The following TRHDE variants were observed in gnomAD, a reference collection of about 807,000 sequenced individuals.
TRHDE encodes thyrotropin-releasing hormone-degrading ectoenzyme.
A neutral mutation model predicts 125.7 loss-of-function variants in TRHDE; 72 were observed. That is an observed-to-expected ratio of 0.57 (90% CI 0.47 to 0.70). The LOEUF is 0.70. TRHDE is among the 30% of genes least tolerant of loss of function. The pLI is 0.00. For synonymous variants in TRHDE, 509 were observed against 509.1 expected (o/e 1.00, Z 0.00); for missense variants, 1,110 against 1,327.1 (o/e 0.84, Z 2.54).
chr12:72,402,204 G>A (rs1221667849), intron 3 of TRHDE, among the ~76,000 whole-genome samples: 1 of 151,970 alleles, frequency 6.6e-6, no homozygotes, highest in Non-Finnish European at 1.5e-5. Context: ...CCTGGGCCAT[G>A]TTGGAAGAAG....
intron 12 of TRHDE, among the ~76,000 whole-genome samples, chr12:72,598,981 G>T (rs1465640972): frequency 6.6e-6 from 1 of 152,020 alleles, no homozygotes; most frequent in African/African-American, 2.4e-5. Context: ...AGAAAATGCG[G>T]TATTTCCTTT....
intron 1 of TRHDE, among the ~76,000 whole-genome samples, chr12:72,099,492 G>T (rs1186804803): frequency 2.0e-5 from 3 of 152,100 alleles, no homozygotes; most frequent in Non-Finnish European, 2.9e-5. Context: ...ACTATGTATA[G>T]TTTGAATTTT....
At chr12:72,602,609 G>C (rs1211995261) in intron 12 of TRHDE, among the ~76,000 whole-genome samples, 4 of 152,076 alleles carry the variant, frequency 2.6e-5, no homozygotes, top group Non-Finnish European at 5.9e-5. Flanking sequence ...AAATATATAT[G>C]GCAATTGGCT....
At chr12:72,425,548 G>A (rs79079557) in intron 3 of TRHDE, among the ~76,000 whole-genome samples, 7 of 151,962 alleles carry the variant, frequency 4.6e-5, no homozygotes. Flanking sequence ...TCCTCACCTT[G>A]TGACAGCTGA....
At chr12:72,649,287 T>C (rs1312472103) in intron 15 of TRHDE, among the ~76,000 whole-genome samples, 2 of 141,502 alleles carry the variant, frequency 1.4e-5, no homozygotes, top group Non-Finnish European at 1.6e-5. Context: ...CACAAAAAGA[T>C]AAAAAAAAAA....
chr12:72,158,253 A>G (rs1876562002), intron 2 of TRHDE, among the ~76,000 whole-genome samples: 1 of 152,114 alleles, frequency 6.6e-6, no homozygotes, highest in African/African-American at 2.4e-5. Flanking sequence ...AGAATGGAAT[A>G]CAATGGAATA....
chr12:72,144,405 G>A (rs547353827), intron 2 of TRHDE, among the ~76,000 whole-genome samples: 3 of 152,320 alleles, frequency 2.0e-5, no homozygotes, highest in East Asian at 1.9e-4. Context: ...TGTCCTAGGG[G>A]CATAACTTGC....
chr12:72,404,013 C>T (rs769123447), intron 3 of TRHDE, among the ~76,000 whole-genome samples: 68 of 152,284 alleles, frequency 4.5e-4, no homozygotes, highest in Non-Finnish European at 6.3e-4. Context: ...ACAAGCACAT[C>T]TTTGCCTCTG....
intron 12 of TRHDE, among the ~76,000 whole-genome samples, chr12:72,576,608 A>G (rs1028988807): frequency 2.5e-4 from 38 of 152,096 alleles, no homozygotes; most frequent in Non-Finnish European, 5.9e-5. Flanking sequence ...TATAGAGGGG[A>G]CAACATAAAT....
chr12:72,178,439 C>T (rs1386160308), intron 2 of TRHDE, among the ~76,000 whole-genome samples: 1 of 152,050 alleles, frequency 6.6e-6, no homozygotes, highest in African/African-American at 2.4e-5. Context: ...TTTTAAAAAT[C>T]TTGCGCAATA....
intron 3 of TRHDE, among the ~76,000 whole-genome samples, chr12:72,462,354 C>T (rs1592463045): frequency 6.6e-6 from 1 of 152,242 alleles, no homozygotes; most frequent in Middle Eastern, 3.4e-3. Context: ...TGATACTTTG[C>T]ATAGGAGTAG....
chr12:72,094,514 G>A (rs1021359239), intron 1 of TRHDE, among the ~76,000 whole-genome samples: 1 of 152,176 alleles, frequency 6.6e-6, no homozygotes, highest in African/African-American at 2.4e-5. Context: ...CAGTCAGCAG[G>A]CCTGCCTGCA....
chr12:72,531,294 A>G lies in TRHDE; in HGVS notation c.1723-10997A>G, dbSNP rs550469116. ...AATTTTCTATTTATATCCATTGCCC[A>G]TTTTCCAATGGGGTCTTTGTTTTTT... On this transcript the variant is annotated intron_variant, in intron 6 of 18. Coordinates refer to ENST00000261180, the MANE Select transcript of TRHDE (RefSeq NM_013381.3). Among the ~76,000 whole-genome samples, 67 of 151,978 alleles carry G rather than the reference A, an allele frequency of 4.4e-4. 1 individual carries two copies. In the South Asian group the frequency reaches 7.9e-3, roughly 18 times the overall value.
chr12:72,159,656 G>A (rs1269301883), intron 2 of TRHDE, among the ~76,000 whole-genome samples: 1 of 152,136 alleles, frequency 6.6e-6, no homozygotes, highest in African/African-American at 2.4e-5. Flanking sequence ...CTTCAGGCAT[G>A]CCAACTAGCT....
intron 5 of TRHDE, among the ~76,000 whole-genome samples, chr12:72,495,525 C>T (rs188556694): frequency 4.8e-4 from 73 of 152,140 alleles, no homozygotes; most frequent in African/African-American, 1.7e-3. Context: ...TTCTATGAAA[C>T]CTTTTCTGAA....
intron 2 of TRHDE, among the ~76,000 whole-genome samples, chr12:72,318,610 A>G (rs771979474): frequency 1.3e-5 from 2 of 152,080 alleles, no homozygotes; most frequent in Non-Finnish European, 2.9e-5. Flanking sequence ...CCCAGGTGTT[A>G]GAAGCTTCTC....
chr12:72,644,627 C>T (rs748601416), intron 15 of TRHDE, among the ~76,000 whole-genome samples: 20 of 152,172 alleles, frequency 1.3e-4, no homozygotes, highest in Non-Finnish European at 2.6e-4. Context: ...GTCTAGCTAG[C>T]TGGAGGAAGA....
chr12:72,331,778 G>A (rs1009803709), intron 2 of TRHDE, among the ~76,000 whole-genome samples: 1 of 152,214 alleles, frequency 6.6e-6, no homozygotes, highest in African/African-American at 2.4e-5. Flanking sequence ...AGATAGGCAT[G>A]TTGAATTACA....
At chr12:72,646,419 AAGAC>A (rs1592594470) in intron 15 of TRHDE, among the ~76,000 whole-genome samples, 1 of 152,064 alleles carries the variant, frequency 6.6e-6, no homozygotes, top group Non-Finnish European at 1.5e-5. Context: ...AAAAGAGAAA[AAGAC>A]AGGAAAAAAA....
Sources: allele counts gnomAD v4.1 joint callset (sites outside exome capture counted in the v4.1 genomes callset), GRCh38; gene constraint gnomAD v4.1.1; transcripts MANE v1.5; gene names NCBI Gene and HGNC (gene_info 2026-07-23, HGNC 2026-07-21).